MTHFSD: variants seen among roughly 807,000 people sequenced by gnomAD.
MTHFSD encodes methenyltetrahydrofolate synthetase domain containing, also known as methenyltetrahydrofolate synthase domain-containing protein.
A neutral mutation model predicts 31.1 loss-of-function variants in MTHFSD; 37 were observed. The ratio of observed to expected loss-of-function variants is 1.19; its 90% CI spans 0.91 to 1.56. The LOEUF (loss-of-function observed/expected upper bound fraction) is 1.56. Ranked by LOEUF, MTHFSD falls within the 40% of genes most tolerant of loss-of-function variation. The probability of loss-of-function intolerance (pLI) is 0.00; values close to 1 mark genes in which losing one functional copy is unlikely to be tolerated. For missense variants in MTHFSD, 664 were observed against 510.1 expected (o/e 1.30, Z -2.91); for synonymous variants, 221 against 206.9 (o/e 1.07, Z -0.59).
At chr16:86,545,856 C>T (rs1972218141) in intron 5 of MTHFSD, among the ~76,000 whole-genome samples, 1 of 152,242 alleles carries the variant, frequency 6.6e-6, no homozygotes. Flanking sequence ...GCCCCGATGA[C>T]ACAGACGAAG....
intron 5 of MTHFSD, among the ~76,000 whole-genome samples, chr16:86,545,914 C>T (rs1972228375): frequency 6.6e-6 from 1 of 152,224 alleles, no homozygotes; most frequent in African/African-American, 2.4e-5. Flanking sequence ...AGAACAATGT[C>T]CCCACATCAG....
At position 86,554,993 on chromosome 16, in the gene MTHFSD, G is replaced by A. The variant is rs899034923; in HGVS notation, c.16+176C>T. ...CCTGACATCTTTCTCGGGATTCCGG[G>A]CGAGAGAGCCGCTGGTTCGACCCGA... On this transcript the variant is annotated intron_variant, in intron 1 of 7. Transcript: ENST00000360900. 6.6e-6 allele frequency: 9 copies of A among 1,366,688 alleles called. No homozygotes were observed. The South Asian group carries it at 1.4e-4, about 21-fold the overall frequency. 84.7% of individuals were successfully genotyped at this position (1,366,688 alleles called of 1,614,324 possible).
intron 3 of MTHFSD, among the ~76,000 whole-genome samples, chr16:86,549,209 G>A (rs1972774479): frequency 6.6e-6 from 1 of 152,240 alleles, no homozygotes; most frequent in African/African-American, 2.4e-5. Flanking sequence ...GCACCTGTTA[G>A]AAATGAATCA....
At position 86,551,824 on chromosome 16, in the gene MTHFSD, G is replaced by C. The variant is rs1024932699; in HGVS notation, c.237+209C>G. On this transcript the variant is annotated intron_variant, in intron 3 of 7. Transcript: ENST00000360900. The stretch of plus-strand genomic sequence containing the variant: ...TTTATCTCTGAATTTAGAAGCATTC[G>C]GGACTCCTGATTGACTGAATTGCTA... 6 of 858,624 alleles carry C rather than the reference G, an allele frequency of 7.0e-6. No homozygotes were observed. In the Admixed American group the frequency reaches 1.7e-4, roughly 24 times the overall value. 53.2% of individuals were successfully genotyped at this position (858,624 alleles called of 1,614,324 possible). A position where few individuals can be genotyped will look rare whatever the true frequency, so the allele number is the denominator to read the frequency against.
At chr16:86,546,434 G>A (rs1271860631) in intron 5 of MTHFSD, 125 bp downstream of exon 5, 21 of 820,246 alleles carry the variant, frequency 2.6e-5, no homozygotes, top group African/African-American at 3.4e-5. Flanking sequence ...CAGCGGCTTC[G>A]GAGACCAGGT....
At chr16:86,554,457 C>A (rs1370710752) in intron 2 of MTHFSD, among the ~76,000 whole-genome samples, 188 bp downstream of exon 2, 2 of 152,182 alleles carry the variant, frequency 1.3e-5, no homozygotes, top group African/African-American at 4.8e-5. Flanking sequence ...CAAGAGGCCC[C>A]AGGTGAAGAG....
chr16:86,555,140 C>A, intron 1 of MTHFSD, 29 bp downstream of exon 1: 11 of 1,533,440 alleles, frequency 7.2e-6, no homozygotes, highest in Non-Finnish European at 9.6e-6. Context: ...CCATTCCCAG[C>A]CGCCCCGGAG....
At position 86,530,435 on chromosome 16, in the gene MTHFSD, G is replaced by T. The variant is rs949185082; in HGVS notation, c.*1576C>A. 1 of 152,352 alleles carries T rather than the reference G, an allele frequency of 6.6e-6. No individual in the cohort carries two copies. Among genetic ancestry groups the T allele is most frequent in the Non-Finnish European group, 1.5e-5 (1 of 68,132 alleles). The allele number at this position is 152,352 out of a possible 1,614,324, so 9.4% of individuals were successfully genotyped here. ...TGGACACAGGAGTGCCAGTGGTGGG[G>T]TCAGAATCCAGCTTCTCCCTCTCCC... On this transcript the variant is annotated 3_prime_UTR_variant, in exon 8 of 8. Coordinates refer to ENST00000360900, the MANE Select transcript of MTHFSD (RefSeq NM_001159377.2).
intron 7 of MTHFSD, chr16:86,535,125 C>T (rs565149398): frequency 1.6e-5 from 9 of 563,550 alleles, no homozygotes; most frequent in Admixed American, 6.3e-5. Flanking sequence ...AATATACAAT[C>T]GGCTGAAGAA....
At chr16:86,540,853 G>A in intron 7 of MTHFSD, 1 of 1,076,166 alleles carries the variant, frequency 9.3e-7, no homozygotes, top group Non-Finnish European at 1.1e-6. Context: ...CAACCGAGGA[G>A]TGCACACCTG....
chr16:86,534,085 A>C (rs1448575370), intron 7 of MTHFSD, among the ~76,000 whole-genome samples: 2 of 152,236 alleles, frequency 1.3e-5, no homozygotes, highest in South Asian at 4.1e-4. Flanking sequence ...CTGTCATAGA[A>C]AGACTCTGCA....
At chr16:86,541,651 G>A in intron 7 of MTHFSD, 46 bp downstream of exon 7, 1 of 1,590,662 alleles carries the variant, frequency 6.3e-7, no homozygotes, top group Non-Finnish European at 8.6e-7. Flanking sequence ...TAAAAGAGGA[G>A]GAGCCGCTAA....
chr16:86,532,199 G>A lies in MTHFSD; in HGVS notation c.964C>T (p.Leu322=). 2.5e-6 allele frequency: 4 copies of A among 1,586,916 alleles called. No homozygotes were observed. The highest frequency in any genetic ancestry group is 1.4e-5 in the African/African-American group (1 of 74,056). The change falls in exon 8 of 8, where the codon CTG becomes TTG. Residue 322 remains leucine (L), a synonymous_variant. Transcript: ENST00000360900. ...NLPGDARVSD[L]KRALRELGSV... Reference sequence around the variant, plus strand: ...CCGAGTTCCCGCAGGGCTCTCTTCAGGTCACTCACACGGGCGTCCCCGGGG... The same window carrying A: ...CCGAGTTCCCGCAGGGCTCTCTTCAAGTCACTCACACGGGCGTCCCCGGGG...
At chr16:86,539,022 CCT>C (rs1430341422) in intron 7 of MTHFSD, among the ~76,000 whole-genome samples, 1 of 152,120 alleles carries the variant, frequency 6.6e-6, no homozygotes, top group Non-Finnish European at 1.5e-5. Context: ...TGTCTCTGTA[CCT>C]CTCTCTCTTC....
At chr16:86,540,800 A>T in intron 7 of MTHFSD, 1 of 1,008,910 alleles carries the variant, frequency 9.9e-7, no homozygotes, top group South Asian at 4.1e-5. Context: ...CCGCCCATAC[A>T]CTCTGGGTTA....
chr16:86,532,509 T>A lies in MTHFSD; in HGVS notation c.682-28A>T, dbSNP rs34602875. The A allele has an allele frequency of 2.9e-6, 4 of 1,385,534 alleles. No individual in the cohort carries two copies. The African/African-American group carries it at 5.9e-5, about 21-fold the overall frequency. The allele number at this position is 1,385,534 out of a possible 1,614,324, so 85.8% of individuals were successfully genotyped here. A position where few individuals can be genotyped will look rare whatever the true frequency, so the allele number is the denominator to read the frequency against. On this transcript the variant is annotated intron_variant, in intron 7 of 7. Coordinates refer to ENST00000360900, the MANE Select transcript of MTHFSD (RefSeq NM_001159377.2). ...GAAAAGCAAAGCAGTTGCAGCTCTT[T>A]CAGGGACAGAATCGCAGGGGCACCT...
At chr16:86,551,364 T>C (rs550235661) in intron 3 of MTHFSD, among the ~76,000 whole-genome samples, 1 of 152,332 alleles carries the variant, frequency 6.6e-6, no homozygotes, top group Non-Finnish European at 1.5e-5. Flanking sequence ...ACTCGTGATT[T>C]ATCATGTTTC....
chr16:86,541,745 G>C lies in MTHFSD; in HGVS notation c.633C>G (p.Ile211Met). 6.2e-7 allele frequency: 1 copy of C among 1,614,086 alleles called. No homozygotes were observed. Among genetic ancestry groups the C allele is most frequent in the South Asian group, 1.1e-5 (1 of 91,006 alleles). ...GCTTTGGGCGCTTGCAGCCTGTGGC[G>C]ATGACTCTGGTTGGAGTGAGGATGT... ...VDYILTPTRV[I>M]ATGCKRPKPM... The change falls in exon 7 of 8, where the codon ATC becomes ATG. Residue 211 changes from isoleucine to methionine, a missense_variant. Physicochemically the swap from Ile to Met is conservative, Grantham distance 10. Coordinates refer to ENST00000360900, the MANE Select transcript of MTHFSD (RefSeq NM_001159377.2).
At chr16:86,541,872 T>C in intron 6 of MTHFSD, 50 bp from the exon 7 acceptor site, 1 of 1,607,938 alleles carries the variant, frequency 6.2e-7, no homozygotes, top group Non-Finnish European at 8.5e-7. Flanking sequence ...GCCACTGCAG[T>C]CGTGCACACT....
Sources: gnomAD v4.1 joint callset for allele counts (sites outside exome capture counted in the v4.1 genomes callset) on GRCh38, gnomAD v4.1.1 for gene constraint, MANE v1.5 for transcripts, NCBI Gene and HGNC (gene_info 2026-07-23, HGNC 2026-07-21) for gene names.